Variants in G3BP2 observed in about 807,000 individuals in gnomAD.
G3BP2 encodes the protein G3BP stress granule assembly factor 2, also known as ras GTPase-activating protein-binding protein 2.
G3BP2 carries 11 observed loss-of-function variants against 56.7 expected under a neutral mutation model. That is an observed-to-expected ratio of 0.19 (90% CI 0.12 to 0.32). G3BP2 has a LOEUF of 0.32. Among genes scored for constraint, G3BP2 ranks in the 10% least tolerant of loss-of-function variants. The pLI is 1.00. For missense variants in G3BP2, 340 were observed against 610.9 expected (o/e 0.56, Z 4.67); for synonymous variants, 165 against 191.6 (o/e 0.86, Z 1.15).
At chr4:75,723,807 A>G (rs1720280107) in intron 1 of G3BP2, among the ~76,000 whole-genome samples, 1 of 152,122 alleles carries the variant, frequency 6.6e-6, no homozygotes, top group Non-Finnish European at 1.5e-5. Context: ...GCCTCAAGAA[A>G]TTTACAAGAC....
chr4:75,680,995 A>G (rs1251503399), intron 3 of G3BP2, among the ~76,000 whole-genome samples: 2 of 150,456 alleles, frequency 1.3e-5, no homozygotes, highest in Non-Finnish European at 3.0e-5. Flanking sequence ...TAAAAAAAAA[A>G]AAAGAAAAAC....
intron 11 of G3BP2, among the ~76,000 whole-genome samples, chr4:75,646,034 C>G (rs1731187855): frequency 6.6e-6 from 1 of 152,126 alleles, no homozygotes; most frequent in Admixed American, 6.5e-5. Flanking sequence ...CTTGAACTCT[C>G]CTGGGCTCAA....
intron 3 of G3BP2, among the ~76,000 whole-genome samples, chr4:75,702,910 G>A (rs1056015116): frequency 2.6e-5 from 4 of 152,326 alleles, no homozygotes; most frequent in Middle Eastern, 6.8e-3. Flanking sequence ...CAGCTTTGGA[G>A]TGATTTCTGG....
At chr4:75,660,753 T>A (rs865863429) in intron 2 of G3BP2, among the ~76,000 whole-genome samples, 3 of 152,310 alleles carry the variant, frequency 2.0e-5, no homozygotes, top group Middle Eastern at 3.4e-3. Flanking sequence ...TGGCAATATA[T>A]TTATCCTTAA....
At chr4:75,689,175 G>A (rs1053671400) in intron 3 of G3BP2, among the ~76,000 whole-genome samples, 2 of 152,144 alleles carry the variant, frequency 1.3e-5, no homozygotes, top group South Asian at 4.1e-4. Flanking sequence ...CCAGGAGTTC[G>A]AGACCACCCT....
At chr4:75,700,459 C>T (rs1283804283) in intron 3 of G3BP2, among the ~76,000 whole-genome samples, 1 of 145,676 alleles carries the variant, frequency 6.9e-6, no homozygotes, top group Admixed American at 6.9e-5. Flanking sequence ...CTTGCTCTGT[C>T]GCCCAGGCTG....
chr4:75,679,997 A>T (rs1734010463), intron 3 of G3BP2, among the ~76,000 whole-genome samples: 1 of 152,244 alleles, frequency 6.6e-6, no homozygotes, highest in Non-Finnish European at 1.5e-5. Context: ...TGTCCAAGAT[A>T]GACTATATTT....
intron 3 of G3BP2, among the ~76,000 whole-genome samples, chr4:75,716,628 G>A (rs1453487603): frequency 6.6e-6 from 1 of 152,144 alleles, no homozygotes; most frequent in African/African-American, 2.4e-5. Flanking sequence ...CGATTCTCCT[G>A]CCTCAGCCTC....
At chr4:75,707,150 G>A (rs546136457) in intron 3 of G3BP2, among the ~76,000 whole-genome samples, 3 of 149,264 alleles carry the variant, frequency 2.0e-5, no homozygotes, top group East Asian at 4.0e-4. Flanking sequence ...CTCCAGCCTG[G>A]GCAACAAGGG....
rs1734056233 is a variant in G3BP2, at chr4:75,681,159, A to G, written c.-24-19110T>C. Reference sequence around the variant, plus strand: ...GCCAACATGGTGAAACCCCGTCTCTATTAAAAATATAAAAATTTGCCGGGC... The same window carrying G: ...GCCAACATGGTGAAACCCCGTCTCTGTTAAAAATATAAAAATTTGCCGGGC... On this transcript the variant is annotated intron_variant, in intron 3 of 3. Transcript: ENST00000499709. 3.3e-5 allele frequency among the ~76,000 whole-genome samples: 5 copies of G among 150,702 alleles called. 1 individual carries two copies. The highest frequency in any genetic ancestry group is 2.1e-4 in the South Asian group (1 of 4,772).
At chr4:75,652,306 G>A (rs1315123480) in intron 8 of G3BP2, among the ~76,000 whole-genome samples, 2 of 152,188 alleles carry the variant, frequency 1.3e-5, no homozygotes, top group Non-Finnish European at 2.9e-5. Context: ...TGACTCTGCA[G>A]CAAGGTGCTG....
At chr4:75,681,848 C>CA (rs149053660) in intron 3 of G3BP2, among the ~76,000 whole-genome samples, 52,186 of 117,088 alleles carry the variant, frequency 0.45, 10,258 homozygotes, top group Middle Eastern at 0.58. Context: ...GACTCCATCT[C>CA]AAAAAAAAAA....
intron 3 of G3BP2, among the ~76,000 whole-genome samples, chr4:75,679,393 T>C (rs1399749223): frequency 6.6e-6 from 1 of 152,218 alleles, no homozygotes; most frequent in East Asian, 1.9e-4. Context: ...CCTGCAATCT[T>C]TCCAGCCATT....
intron 1 of G3BP2, among the ~76,000 whole-genome samples, chr4:75,663,703 T>TA (rs1025956535): frequency 5.9e-5 from 9 of 151,284 alleles, no homozygotes; most frequent in Non-Finnish European, 1.0e-4. Context: ...CTACTAAAAA[T>TA]AAAAAAATTA....
intron 3 of G3BP2, chr4:75,694,962 G>A (rs1719042434): frequency 1.0e-6 from 1 of 984,064 alleles, no homozygotes; most frequent in Non-Finnish European, 1.2e-6. Flanking sequence ...GCAGGACTGT[G>A]AGAAGAGGTA....
At chr4:75,679,767 C>T (rs980838745) in intron 3 of G3BP2, among the ~76,000 whole-genome samples, 3 of 152,092 alleles carry the variant, frequency 2.0e-5, no homozygotes, top group African/African-American at 7.2e-5. Flanking sequence ...AATAACCCAC[C>T]CTGAATTTGT....
intron 3 of G3BP2, among the ~76,000 whole-genome samples, chr4:75,693,813 C>A (rs966295881): frequency 1.3e-5 from 2 of 150,480 alleles, no homozygotes; most frequent in Non-Finnish European, 3.0e-5. Context: ...AGCTGGACTG[C>A]AACCTCAAAC....
intron 8 of G3BP2, among the ~76,000 whole-genome samples, chr4:75,652,855 GCA>G: frequency 6.6e-6 from 1 of 152,220 alleles, no homozygotes. Flanking sequence ...CATATCAAAG[GCA>G]TAAGCACTAG....
chr4:75,704,517 C>G (rs542421133), intron 3 of G3BP2, among the ~76,000 whole-genome samples: 359 of 152,086 alleles, frequency 2.4e-3, no homozygotes, highest in Non-Finnish European at 3.5e-3. Flanking sequence ...CAGGGTCTCA[C>G]TATGATGCCC....
Sources: gnomAD v4.1 joint callset for allele counts (sites outside exome capture counted in the v4.1 genomes callset) on GRCh38, gnomAD v4.1.1 for gene constraint, MANE v1.5 for transcripts, NCBI Gene and HGNC (gene_info 2026-07-23, HGNC 2026-07-21) for gene names.